The following GPC5 variants were observed in gnomAD, a reference collection of about 807,000 sequenced individuals.
The protein encoded by GPC5 is glypican-5.
A neutral mutation model predicts 53.9 loss-of-function variants in GPC5; 47 were observed. The observed-to-expected ratio is 0.87, with a 90% CI of 0.69 to 1.11. The LOEUF is 1.11. GPC5 is among the 50% of genes most tolerant of loss of function. The pLI, the probability that GPC5 is intolerant of heterozygous loss-of-function variation, is 0.00. For synonymous variants in GPC5, 286 were observed against 263.3 expected, an observed-to-expected ratio of 1.09 and a Z score of -0.84; for missense variants, 748 against 713.1, an observed-to-expected ratio of 1.05 and a Z score of -0.56.
intron 7 of GPC5, among the ~76,000 whole-genome samples, chr13:92,416,458 C>A (rs1876294221): frequency 6.6e-6 from 1 of 152,144 alleles, no homozygotes; most frequent in Admixed American, 6.5e-5. Flanking sequence ...AGAGCTAAGA[C>A]AAAGCAATGG....
intron 7 of GPC5, among the ~76,000 whole-genome samples, chr13:92,810,069 C>T (rs78288126): frequency 1.3e-5 from 2 of 152,036 alleles, no homozygotes; most frequent in Non-Finnish European, 2.9e-5. Flanking sequence ...TGAATGCCCC[C>T]TTCTACGTTA....
intron 7 of GPC5, among the ~76,000 whole-genome samples, chr13:92,757,536 G>C (rs1239181441): frequency 6.6e-6 from 1 of 152,096 alleles, no homozygotes; most frequent in Non-Finnish European, 1.5e-5. Flanking sequence ...CCATCAGAGT[G>C]AACAGGCAAC....
Position 91,986,061 on chromosome 13 carries a change from C to CTTTTTTTT in GPC5, c.1401+78019_1401+78026dup, listed in dbSNP as rs779259362. ...ATTTTAAATTTATTCTTAGCCAATA[C>CTTTTTTTT]TTTTTTTTTTTTTTTTTTTTTTGAG... On this transcript the variant is annotated intron_variant, in intron 6 of 7. Coordinates refer to ENST00000377067, the MANE Select transcript of GPC5 (RefSeq NM_004466.6). 1.0e-3 allele frequency among the ~76,000 whole-genome samples: 100 copies of CTTTTTTTT among 95,456 alleles called. 1 individual carries two copies. The highest frequency in any genetic ancestry group is 2.0e-3 in the East Asian group (6 of 3,064). 62.6% of individuals were successfully genotyped at this position (95,456 alleles called of 152,430 possible).
rs761095568 is a variant in GPC5, at chr13:92,717,859, C to T, written c.1562-148423C>T. 3.9e-5 allele frequency among the ~76,000 whole-genome samples: 6 copies of T among 152,156 alleles called. 1 individual carries two copies. Among genetic ancestry groups the T allele is most frequent in the Admixed American group, 1.3e-4 (2 of 15,262 alleles). ...TGGGAAAAAATATTTGCCAACTATC[C>T]ATCTGACAAACGCTTAATAAGCAGA... On this transcript the variant is annotated intron_variant, in intron 7 of 7. Transcript: ENST00000377067.
At chr13:91,520,728 G>A (rs984779685) in intron 2 of GPC5, among the ~76,000 whole-genome samples, 1 of 149,716 alleles carries the variant, frequency 6.7e-6, no homozygotes, top group Non-Finnish European at 1.5e-5. Context: ...GTATGTGTGT[G>A]TGTGTGTATA....
chr13:92,229,357 T>C (rs1234691031), intron 7 of GPC5, among the ~76,000 whole-genome samples: 1 of 152,036 alleles, frequency 6.6e-6, no homozygotes, highest in East Asian at 1.9e-4. Context: ...CATAGAAAAG[T>C]ATACTGATAT....
At chr13:92,850,110 A>G (rs1263584942) in intron 7 of GPC5, among the ~76,000 whole-genome samples, 1 of 152,204 alleles carries the variant, frequency 6.6e-6, no homozygotes, top group East Asian at 1.9e-4. Context: ...AAATAAATAT[A>G]CAACCTTTTT....
intron 7 of GPC5, among the ~76,000 whole-genome samples, chr13:92,167,139 A>G (rs1363764919): frequency 6.6e-6 from 1 of 152,186 alleles, no homozygotes; most frequent in Non-Finnish European, 1.5e-5. Context: ...AAAGTCTTAC[A>G]TCTAAGACCC....
At chr13:91,732,235 G>A (rs1022704295) in intron 4 of GPC5, among the ~76,000 whole-genome samples, 6 of 152,248 alleles carry the variant, frequency 3.9e-5, no homozygotes, top group South Asian at 2.1e-4. Context: ...TCTGACTGGC[G>A]TGAGATAGTA....
chr13:91,801,250 A>G (rs2038129623), intron 5 of GPC5, among the ~76,000 whole-genome samples: 1 of 83,224 alleles, frequency 1.2e-5, no homozygotes, highest in African/African-American at 4.1e-5. Flanking sequence ...TGACATCCAT[A>G]CTTTGTGTGT....
intron 7 of GPC5, among the ~76,000 whole-genome samples, chr13:92,168,641 C>T (rs2042048212): frequency 6.6e-6 from 1 of 152,124 alleles, no homozygotes; most frequent in Non-Finnish European, 1.5e-5. Context: ...GATACCATCT[C>T]ACACCAGTCA....
intron 5 of GPC5, among the ~76,000 whole-genome samples, chr13:91,894,994 G>C (rs901540058): frequency 4.0e-5 from 6 of 151,602 alleles, no homozygotes; most frequent in African/African-American, 1.5e-4. Flanking sequence ...TATCATCCTA[G>C]GAGGGATGTT....
chr13:91,660,964 C>T (rs959413631), intron 2 of GPC5, among the ~76,000 whole-genome samples: 4 of 152,104 alleles, frequency 2.6e-5, no homozygotes, highest in African/African-American at 7.2e-5. Flanking sequence ...GAATGGAACA[C>T]AATTACTTGC....
intron 7 of GPC5, among the ~76,000 whole-genome samples, chr13:92,803,508 T>C (rs1278404036): frequency 6.6e-6 from 1 of 151,908 alleles, no homozygotes; most frequent in Non-Finnish European, 1.5e-5. Context: ...TTGTATGACA[T>C]CTACTTCTCA....
chr13:92,599,421 A>T (rs963225339), intron 7 of GPC5, among the ~76,000 whole-genome samples: 16 of 151,940 alleles, frequency 1.1e-4, no homozygotes, highest in Admixed American at 2.0e-4. Flanking sequence ...AAATAGAAGG[A>T]AGAGCCTGAC....
At chr13:91,978,861 G>C (rs1381776388) in intron 6 of GPC5, among the ~76,000 whole-genome samples, 1 of 152,138 alleles carries the variant, frequency 6.6e-6, no homozygotes, top group African/African-American at 2.4e-5. Flanking sequence ...TAATGGCTTG[G>C]AATAAGATTA....
chr13:92,733,002 C>A (rs1235620485), intron 7 of GPC5, among the ~76,000 whole-genome samples: 2 of 151,632 alleles, frequency 1.3e-5, no homozygotes, highest in African/African-American at 4.8e-5. Flanking sequence ...GGTTCTCTGG[C>A]ATTCAATTTC....
chr13:92,264,731 A>AT (rs1336169486), intron 7 of GPC5, among the ~76,000 whole-genome samples: 2 of 150,928 alleles, frequency 1.3e-5, no homozygotes, highest in Non-Finnish European at 2.9e-5. Flanking sequence ...AATAATATGG[A>AT]TTTTTCCCAT....
chr13:91,897,488 A>G (rs557510585), intron 5 of GPC5, among the ~76,000 whole-genome samples: 1 of 152,266 alleles, frequency 6.6e-6, no homozygotes, highest in Non-Finnish European at 1.5e-5. Context: ...AAGAGCAGTC[A>G]GAGAGGTGTT....
Sources: allele counts gnomAD v4.1 joint callset (sites outside exome capture counted in the v4.1 genomes callset), GRCh38; gene constraint gnomAD v4.1.1; transcripts MANE v1.5; gene names NCBI Gene and HGNC (gene_info 2026-07-23, HGNC 2026-07-21).